Variants in SAR1B observed in about 807,000 individuals in gnomAD.
SAR1B encodes the protein small COPII coat GTPase SAR1B.
SAR1B carries 23 observed loss-of-function variants against 26.8 expected under a neutral mutation model. That is an observed-to-expected ratio of 0.86 (90% CI 0.62 to 1.22). The LOEUF (loss-of-function observed/expected upper bound fraction) is 1.22. Ranked by LOEUF, SAR1B falls within the 50% of genes most tolerant of loss-of-function variation. SAR1B has a pLI of 0.00. For synonymous variants in SAR1B, 65 were observed against 80.8 expected (o/e 0.80, Z 1.05); for missense variants, 196 against 232.8 (o/e 0.84, Z 1.03).
chr5:134,609,281 A>T, intron 5 of SAR1B: 1 of 459,520 alleles, frequency 2.2e-6, no homozygotes, highest in East Asian at 4.7e-5. Context: ...CCACTCCAGG[A>T]ATATAACAGA....
intron 3 of SAR1B, among the ~76,000 whole-genome samples, chr5:134,616,060 G>A (rs1228046501): frequency 6.6e-6 from 1 of 150,904 alleles, no homozygotes; most frequent in Non-Finnish European, 1.5e-5. Flanking sequence ...GAATGTGGCA[G>A]GCGGAGGTTG....
At chr5:134,628,618 C>A (rs1386117427) in intron 1 of SAR1B, among the ~76,000 whole-genome samples, 5 of 152,002 alleles carry the variant, frequency 3.3e-5, no homozygotes, top group Admixed American at 2.6e-4. Context: ...GAGTTAAAGA[C>A]CAGCCTGAGC....
At chr5:134,612,433 G>C (rs1375299523) in intron 4 of SAR1B, among the ~76,000 whole-genome samples, 6 of 151,928 alleles carry the variant, frequency 3.9e-5, no homozygotes, top group Non-Finnish European at 8.8e-5. Flanking sequence ...CAAAGTGACT[G>C]TAAGAGTAAG....
rs1049015927 is a variant in SAR1B, at chr5:134,604,612, T to C, written c.*2338A>G. On this transcript the variant is annotated 3_prime_UTR_variant, in exon 7 of 7. Transcript: ENST00000402673. The stretch of plus-strand genomic sequence containing the variant: ...AGAGGCTCGGGCCATAAAAATCTTA[T>C]GTCTTTGGGAAAATATCCACAGTTT... 1.3e-5 allele frequency: 2 copies of C among 152,220 alleles called. No individual in the cohort carries two copies. The highest frequency in any genetic ancestry group is 4.8e-5 in the African/African-American group (2 of 41,456). The allele number at this position is 152,220 out of a possible 1,614,324, so 9.4% of individuals were successfully genotyped here. A position where few individuals can be genotyped will look rare whatever the true frequency, so the allele number is the denominator to read the frequency against.
At chr5:134,620,167 G>A (rs536434174) in intron 3 of SAR1B, among the ~76,000 whole-genome samples, 3 of 152,098 alleles carry the variant, frequency 2.0e-5, no homozygotes, top group East Asian at 1.9e-4. Flanking sequence ...TTAGCCGGGC[G>A]TGGTGGTGGG....
At position 134,602,528 on chromosome 5, in the gene SAR1B, A is replaced by T. The variant is rs1469288358; in HGVS notation, c.*4422T>A. On this transcript the variant is annotated 3_prime_UTR_variant, in exon 7 of 7. Transcript: ENST00000402673. Reference sequence around the variant, plus strand: ...CTGGTTCTTCTTTTATTTGGTTAAAAAGCACTAACTTGAATTTCAAAAGAA... The same window carrying T: ...CTGGTTCTTCTTTTATTTGGTTAAATAGCACTAACTTGAATTTCAAAAGAA... 6.6e-6 allele frequency: 1 copy of T among 152,328 alleles called. No homozygotes were observed. Among genetic ancestry groups the T allele is most frequent in the South Asian group, 2.1e-4 (1 of 4,828 alleles). The allele number at this position is 152,328 out of a possible 1,614,324, so 9.4% of individuals were successfully genotyped here. A position where few individuals can be genotyped will look rare whatever the true frequency, so the allele number is the denominator to read the frequency against.
intron 4 of SAR1B, among the ~76,000 whole-genome samples, chr5:134,611,263 T>C (rs544009098): frequency 6.6e-6 from 1 of 152,344 alleles, no homozygotes; most frequent in African/African-American, 2.4e-5. Context: ...TTTGTGTATA[T>C]GCCAGACAAT....
At chr5:134,625,042 A>G (rs765090875) in intron 1 of SAR1B, among the ~76,000 whole-genome samples, 37 of 152,306 alleles carry the variant, frequency 2.4e-4, no homozygotes, top group Non-Finnish European at 4.3e-4. Flanking sequence ...CAAAAGGGAC[A>G]AAGTCCCAAG....
chr5:134,624,169 G>A, intron 1 of SAR1B, 132 bp from the exon 2 acceptor site: 1 of 674,868 alleles, frequency 1.5e-6, no homozygotes, highest in Non-Finnish European at 2.7e-6. Flanking sequence ...CACACTTTGG[G>A]AAGCTGAGGT....
chr5:134,612,120 T>TTTTTG (rs529577679), intron 4 of SAR1B, among the ~76,000 whole-genome samples: 13 of 152,168 alleles, frequency 8.5e-5, no homozygotes, highest in South Asian at 4.1e-4. Context: ...ACTGAAGGTT[T>TTTTTG]TTTTGTTTTG....
intron 1 of SAR1B, chr5:134,631,535 T>C (rs542503749): frequency 2.0e-5 from 3 of 152,246 alleles, no homozygotes; most frequent in Admixed American, 2.0e-4. Flanking sequence ...ACTGATACTT[T>C]AACACGGAAT....
Position 134,601,156 on chromosome 5 carries a change from A to G in SAR1B, c.*5794T>C, listed in dbSNP as rs1334614769. 1 of 152,240 alleles carries G rather than the reference A, an allele frequency of 6.6e-6. No individual in the cohort carries two copies. Among genetic ancestry groups the G allele is most frequent in the Non-Finnish European group, 1.5e-5 (1 of 68,044 alleles). The allele number at this position is 152,240 out of a possible 1,614,324, so 9.4% of individuals were successfully genotyped here. On this transcript the variant is annotated 3_prime_UTR_variant, in exon 7 of 7. Coordinates refer to ENST00000402673, the MANE Select transcript of SAR1B (RefSeq NM_016103.4). ...TGGAACTTGACACTAGAGTTCTTCA[A>G]GACCAGATTAGTATTTTATTTTTCC...
intron 4 of SAR1B, among the ~76,000 whole-genome samples, chr5:134,611,557 C>A (rs1020791277): frequency 4.6e-5 from 7 of 151,472 alleles, no homozygotes; most frequent in South Asian, 2.1e-4. Flanking sequence ...CCCATCTCTA[C>A]AAAAAAAATT....
chr5:134,612,717 G>GTTGTAAAC lies in SAR1B; in HGVS notation c.210_217dup (p.Thr73SerfsTer40). 7.6e-7 allele frequency: 1 copy of GTTGTAAAC among 1,307,620 alleles called. No homozygotes were observed. Among genetic ancestry groups the GTTGTAAAC allele is most frequent in the Non-Finnish European group, 1.0e-6 (1 of 985,150 alleles). 81.0% of individuals were successfully genotyped at this position (1,307,620 alleles called of 1,614,324 possible). ...TTGAACATGTCCACCCAGATCAAAA[G>GTTGTAAAC]TTGTAAACGTCATGCCAGCAATGGT... is the stretch of plus-strand genomic sequence containing the variant. On this transcript the variant is annotated frameshift_variant, in exon 4 of 7. Transcript: ENST00000402673. LOFTEE classifies it high-confidence loss of function.
intron 4 of SAR1B, 68 bp from the exon 5 acceptor site, chr5:134,609,742 G>A: frequency 8.4e-7 from 1 of 1,195,618 alleles, no homozygotes; most frequent in South Asian, 1.2e-5. Flanking sequence ...TAAGCAAAGA[G>A]TCCAACCAGA....
Position 134,607,089 on chromosome 5 carries a change from C to T in SAR1B, c.481-23G>A, listed in dbSNP as rs200440860. The stretch of plus-strand genomic sequence containing the variant: ...CCCCTAGAATAGAAGAGAGACATTT[C>T]GTTGGAATTTTATAAAATTAATAAA... On this transcript the variant is annotated intron_variant, in intron 6 of 6. Coordinates refer to ENST00000402673, the MANE Select transcript of SAR1B (RefSeq NM_016103.4). The T allele has an allele frequency of 5.4e-5, 79 of 1,451,508 alleles. No homozygotes were observed. In the East Asian group the frequency reaches 7.9e-4, roughly 15 times the overall value. The allele number at this position is 1,451,508 out of a possible 1,614,324, so 89.9% of individuals were successfully genotyped here.
intron 6 of SAR1B, 103 bp from the exon 7 acceptor site, chr5:134,607,169 A>G (rs1010881374): frequency 6.0e-6 from 5 of 834,662 alleles, no homozygotes; most frequent in Non-Finnish European, 1.0e-5. Context: ...AATGGCTGTG[A>G]TAAATCCATG....
At chr5:134,625,364 A>G (rs1765477019) in intron 1 of SAR1B, among the ~76,000 whole-genome samples, 1 of 152,206 alleles carries the variant, frequency 6.6e-6, no homozygotes. Context: ...AACATCCAGA[A>G]TAGAAATGAA....
intron 2 of SAR1B, 35 bp downstream of exon 2, chr5:134,623,927 G>C: frequency 7.1e-7 from 1 of 1,411,874 alleles, no homozygotes; most frequent in Non-Finnish European, 1.0e-6. Flanking sequence ...TAAGACCAAA[G>C]GGGATAACTG....
Sources: allele counts gnomAD v4.1 joint callset (sites outside exome capture counted in the v4.1 genomes callset), GRCh38; gene constraint gnomAD v4.1.1; transcripts MANE v1.5; gene names NCBI Gene and HGNC (gene_info 2026-07-23, HGNC 2026-07-21).